DRC8: variants seen among roughly 807,000 people sequenced by gnomAD.
The protein encoded by DRC8 is dynein regulatory complex protein 8.
At chr1:244,982,234 C>A in the DRC8 span, among the ~76,000 whole-genome samples, 18 of 152,018 alleles carry the variant, frequency 1.2e-4, no homozygotes, top group African/African-American at 4.3e-4. Flanking sequence ...GTCTGGCTTC[C>A]AACAAAAAAT....
the DRC8 span, among the ~76,000 whole-genome samples, chr1:244,997,968 C>T: frequency 2.1e-5 from 1 of 46,542 alleles, no homozygotes; most frequent in Non-Finnish European, 4.2e-5. Context: ...TTCTGTCCAT[C>T]TCTTCCACTA....
the DRC8 span, among the ~76,000 whole-genome samples, chr1:245,099,350 T>C: frequency 6.6e-6 from 1 of 152,226 alleles, no homozygotes; most frequent in Non-Finnish European, 1.5e-5. Flanking sequence ...CAAAAGCCCA[T>C]AGTGAGACTA....
the DRC8 span, among the ~76,000 whole-genome samples, chr1:245,071,499 T>C: frequency 1.3e-5 from 2 of 152,248 alleles, no homozygotes; most frequent in South Asian, 4.1e-4. Flanking sequence ...ATTGTGTCCG[T>C]GTCCATGCTT....
At chr1:245,071,962 A>G in the DRC8 span, among the ~76,000 whole-genome samples, 1 of 152,250 alleles carries the variant, frequency 6.6e-6, no homozygotes, top group Non-Finnish European at 1.5e-5. Context: ...ACAAATGCTG[A>G]CAAGAAAGTG....
At chr1:244,995,221 C>T in the DRC8 span, among the ~76,000 whole-genome samples, 7,442 of 152,054 alleles carry the variant, frequency 0.049, 270 homozygotes, top group Non-Finnish European at 0.077. Context: ...ATTAGCCGGG[C>T]GTGGTGGCAG....
At chr1:244,970,340 C>T in the DRC8 span, 1 of 1,521,352 alleles carries the variant, frequency 6.6e-7, no homozygotes, top group Non-Finnish European at 8.8e-7. Flanking sequence ...CCAGGCTCGC[C>T]GCGGGGCGCT....
chr1:245,033,756 C>T, the DRC8 span, among the ~76,000 whole-genome samples: 1 of 151,848 alleles, frequency 6.6e-6, no homozygotes, highest in East Asian at 1.9e-4. Flanking sequence ...GACAGAGTCT[C>T]ACTTGCCCAG....
chr1:245,083,337 C>T, the DRC8 span: 2 of 1,015,954 alleles, frequency 2.0e-6, no homozygotes, highest in Non-Finnish European at 3.0e-6. Context: ...AATTGTCTTC[C>T]ATGAAACTGG....
At chr1:245,088,047 G>A in the DRC8 span, among the ~76,000 whole-genome samples, 1 of 152,118 alleles carries the variant, frequency 6.6e-6, no homozygotes, top group Admixed American at 6.5e-5. This position sits in a 1 kb window ranked among gnomAD's most constrained non-coding sequence, Gnocchi z 4.6. Flanking sequence ...CACCCACTCC[G>A]CATATCTGTC....
chr1:245,088,122 G>C, the DRC8 span, among the ~76,000 whole-genome samples: 1 of 152,148 alleles, frequency 6.6e-6, no homozygotes, highest in South Asian at 2.1e-4. The surrounding 1 kb of genome is among the most constrained non-coding windows in gnomAD (Gnocchi z 4.6). Flanking sequence ...CAAATGTACA[G>C]CTCCTGAAAG....
At chr1:245,034,821 G>T in the DRC8 span, among the ~76,000 whole-genome samples, 164 of 150,532 alleles carry the variant, frequency 1.1e-3, no homozygotes, top group Middle Eastern at 3.4e-3. Flanking sequence ...AATTAATGGG[G>T]TTGGGAAACA....
the DRC8 span, among the ~76,000 whole-genome samples, chr1:245,089,931 G>C: frequency 1.3e-5 from 2 of 152,256 alleles, no homozygotes; most frequent in Admixed American, 6.5e-5. The surrounding 1 kb of genome is among the most constrained non-coding windows in gnomAD (Gnocchi z 4.8). Flanking sequence ...TGGAGAGGAA[G>C]GTAGTAGGTT....
chr1:245,003,894 G>A, the DRC8 span, among the ~76,000 whole-genome samples: 1 of 152,000 alleles, frequency 6.6e-6, no homozygotes, highest in Non-Finnish European at 1.5e-5. Flanking sequence ...GTGAACTACC[G>A]CCTGTTTTGT....
chr1:244,996,329 T>C, the DRC8 span, among the ~76,000 whole-genome samples: 1 of 152,040 alleles, frequency 6.6e-6, no homozygotes, highest in Non-Finnish European at 1.5e-5. Flanking sequence ...AGTGATGTGC[T>C]GTTACTTCTG....
chr1:245,108,899 T>C, the DRC8 span, among the ~76,000 whole-genome samples: 27 of 152,330 alleles, frequency 1.8e-4, no homozygotes, highest in African/African-American at 6.3e-4. Context: ...TAGAAGTATT[T>C]TTCTAAATAG....
At chr1:245,122,147 C>T in the DRC8 span, 1 of 236,410 alleles carries the variant, frequency 4.2e-6, no homozygotes, top group Non-Finnish European at 8.3e-6. Context: ...AAGTGATCCT[C>T]CCGCCTCAGC....
chr1:245,096,227 C>A, the DRC8 span, among the ~76,000 whole-genome samples: 1 of 152,138 alleles, frequency 6.6e-6, no homozygotes, highest in South Asian at 2.1e-4. Context: ...TTGCAGGAGG[C>A]AATTAGAATG....
At chr1:245,020,793 T>C in the DRC8 span, among the ~76,000 whole-genome samples, 1 of 149,836 alleles carries the variant, frequency 6.7e-6, no homozygotes, top group Non-Finnish European at 1.5e-5. Context: ...CTAATTTTCG[T>C]ATTTTTTTTT....
At chr1:245,111,852 G>A in the DRC8 span, among the ~76,000 whole-genome samples, 1 of 152,126 alleles carries the variant, frequency 6.6e-6, no homozygotes, top group Non-Finnish European at 1.5e-5. Context: ...CCTGGGAAAT[G>A]TAGTGAGACT....
Sources: gnomAD v4.1 joint callset for allele counts (sites outside exome capture counted in the v4.1 genomes callset) on GRCh38, gnomAD v4.1.1 for gene constraint, Gnocchi (gnomAD v3.1) non-coding constraint, MANE v1.5 for transcripts, NCBI Gene and HGNC (gene_info 2026-07-23, HGNC 2026-07-21) for gene names.